Variants in CFDP1 observed in about 807,000 individuals in gnomAD.
CFDP1 encodes heterochromatin-stabilizing protein CFDP1.
CFDP1 carries 31 observed loss-of-function variants against 40.1 expected under a neutral mutation model. That is an observed-to-expected ratio of 0.77 (90% CI 0.58 to 1.04). The LOEUF is 1.04. Among genes scored for constraint, CFDP1 ranks in the 50% least tolerant of loss-of-function variants. The pLI is 0.00. For synonymous variants in CFDP1, 167 were observed against 120.0 expected (o/e 1.39, Z -2.56); for missense variants, 423 against 343.4 (o/e 1.23, Z -1.83).
intron 3 of CFDP1, 138 bp from the exon 4 acceptor site, chr16:75,412,090 A>G: frequency 2.3e-6 from 2 of 856,452 alleles, no homozygotes; most frequent in South Asian, 3.9e-5. Flanking sequence ...ATCTTGGCTC[A>G]CTGCAACCTC....
At chr16:75,334,332 C>A (rs534956746) in intron 5 of CFDP1, among the ~76,000 whole-genome samples, 2 of 151,490 alleles carry the variant, frequency 1.3e-5, no homozygotes, top group South Asian at 4.2e-4. Context: ...TAAAAAGGAC[C>A]GGGAAAGACG....
At chr16:75,397,918 T>C (rs2079011141) in intron 4 of CFDP1, among the ~76,000 whole-genome samples, 1 of 152,244 alleles carries the variant, frequency 6.6e-6, no homozygotes, top group Non-Finnish European at 1.5e-5. Flanking sequence ...AAGTATTAGC[T>C]GATCTGAGAG....
At chr16:75,392,657 C>A (rs916287812) in intron 5 of CFDP1, among the ~76,000 whole-genome samples, 1 of 152,114 alleles carries the variant, frequency 6.6e-6, no homozygotes, top group African/African-American at 2.4e-5. Flanking sequence ...GCCACCAAGC[C>A]CAGCTAATTT....
chr16:75,394,170 C>T (rs2078977323), intron 5 of CFDP1, among the ~76,000 whole-genome samples: 1 of 152,212 alleles, frequency 6.6e-6, no homozygotes, highest in Non-Finnish European at 1.5e-5. Flanking sequence ...CTGTAGGAGA[C>T]TATGCAGAAC....
rs144691831 is a variant in CFDP1, at chr16:75,367,391, T to C, written c.650+27699A>G. Reference sequence around the variant, plus strand: ...AACCACTATGGCACACATGTACCTATGTAACAAACCTGCACATTCTGCACA... The same window carrying C: ...AACCACTATGGCACACATGTACCTACGTAACAAACCTGCACATTCTGCACA... On this transcript the variant is annotated intron_variant, in intron 5 of 6. Transcript: ENST00000283882. 9.1e-3 allele frequency among the ~76,000 whole-genome samples: 1,338 copies of C among 146,624 alleles called. 21 individuals are homozygous for C. The highest frequency in any genetic ancestry group is 0.032 in the African/African-American group (1,275 of 39,522).
intron 4 of CFDP1, among the ~76,000 whole-genome samples, chr16:75,395,715 A>G (rs535338888): frequency 3.5e-4 from 54 of 152,286 alleles, no homozygotes; most frequent in African/African-American, 1.3e-3. Flanking sequence ...CAAATGAAAC[A>G]ACAATGTGTA....
At chr16:75,357,653 G>T (rs971693666) in intron 5 of CFDP1, among the ~76,000 whole-genome samples, 2 of 152,176 alleles carry the variant, frequency 1.3e-5, no homozygotes, top group African/African-American at 4.8e-5. Context: ...TAGAATTGAA[G>T]GGTTAAGGCC....
At chr16:75,301,376 T>C (rs2078220218) in intron 6 of CFDP1, among the ~76,000 whole-genome samples, 1 of 152,044 alleles carries the variant, frequency 6.6e-6, no homozygotes, top group Non-Finnish European at 1.5e-5. Flanking sequence ...GGCTCTGACT[T>C]GGTTAGAAGT....
At chr16:75,426,803 C>T (rs1301881974) in intron 1 of CFDP1, among the ~76,000 whole-genome samples, 1 of 152,060 alleles carries the variant, frequency 6.6e-6, no homozygotes, top group East Asian at 1.9e-4. Flanking sequence ...GCCTGTACTC[C>T]CAGCACTTTG....
chr16:75,320,333 G>T (rs2078353755), intron 5 of CFDP1, among the ~76,000 whole-genome samples: 1 of 152,070 alleles, frequency 6.6e-6, no homozygotes, highest in Admixed American at 6.6e-5. Flanking sequence ...ATGACTGAAG[G>T]CCAAAAAGTT....
At chr16:75,401,693 T>C (rs1401909133) in intron 4 of CFDP1, among the ~76,000 whole-genome samples, 1 of 152,150 alleles carries the variant, frequency 6.6e-6, no homozygotes, top group African/African-American at 2.4e-5. Context: ...GCCTAAGTGA[T>C]AGCTTAAGGA....
chr16:75,329,255 G>C (rs1447248395), intron 5 of CFDP1, among the ~76,000 whole-genome samples: 1 of 152,156 alleles, frequency 6.6e-6, no homozygotes. Context: ...CAAAGTGCTA[G>C]GATTACAGGC....
At chr16:75,346,340 T>C (rs1467270498) in intron 5 of CFDP1, among the ~76,000 whole-genome samples, 1 of 152,018 alleles carries the variant, frequency 6.6e-6, no homozygotes, top group African/African-American at 2.4e-5. Flanking sequence ...TTCCAGCACT[T>C]TGGCAGGCCG....
intron 5 of CFDP1, among the ~76,000 whole-genome samples, chr16:75,329,939 C>T (rs1279827477): frequency 6.6e-6 from 1 of 152,142 alleles, no homozygotes; most frequent in East Asian, 1.9e-4. Context: ...GAATGAATTC[C>T]TCTTTCCTCC....
intron 5 of CFDP1, among the ~76,000 whole-genome samples, chr16:75,388,413 T>A (rs577354267): frequency 6.6e-5 from 10 of 152,270 alleles, no homozygotes; most frequent in African/African-American, 9.6e-5. Flanking sequence ...GAAATTAACA[T>A]GGTCATCAAA....
At chr16:75,412,079 A>C (rs1174628915) in intron 3 of CFDP1, 127 bp from the exon 4 acceptor site, 7 of 988,878 alleles carry the variant, frequency 7.1e-6, no homozygotes, top group African/African-American at 1.7e-5. Flanking sequence ...GCAGTAACAC[A>C]ATCTTGGCTC....
chr16:75,344,649 C>A (rs1267844655), intron 5 of CFDP1, among the ~76,000 whole-genome samples: 1 of 152,094 alleles, frequency 6.6e-6, no homozygotes, highest in Non-Finnish European at 1.5e-5. Flanking sequence ...GAAAGAACAT[C>A]CTGGCTGGGC....
intron 5 of CFDP1, among the ~76,000 whole-genome samples, chr16:75,336,569 T>C (rs1371659453): frequency 1.3e-5 from 2 of 152,244 alleles, no homozygotes; most frequent in Admixed American, 6.5e-5. Flanking sequence ...AATGGCTGTA[T>C]GCCCCTTCAC....
intron 5 of CFDP1, among the ~76,000 whole-genome samples, chr16:75,307,786 T>G (rs2078268618): frequency 6.6e-6 from 1 of 152,112 alleles, no homozygotes; most frequent in African/African-American, 2.4e-5. Flanking sequence ...TATCAAACTC[T>G]TGGACTCAAG....
Sources: allele counts gnomAD v4.1 joint callset (sites outside exome capture counted in the v4.1 genomes callset), GRCh38; gene constraint gnomAD v4.1.1; transcripts MANE v1.5; gene names NCBI Gene and HGNC (gene_info 2026-07-23, HGNC 2026-07-21).